Variants in OTULINL observed in about 807,000 individuals in gnomAD.
OTULINL encodes inactive ubiquitin thioesterase OTULINL.
Under a neutral mutation model 43.9 loss-of-function variants are expected in OTULINL, and 42 were observed. That is an observed-to-expected ratio of 0.96 (90% CI 0.75 to 1.24). OTULINL has a LOEUF of 1.24. Among genes scored for constraint, OTULINL ranks in the 50% most tolerant of loss-of-function variants. The pLI, the probability that OTULINL is intolerant of heterozygous loss-of-function variation, is 0.00. For missense variants in OTULINL, 411 were observed against 426.4 expected (o/e 0.96, Z 0.32); for synonymous variants, 172 against 153.6 (o/e 1.12, Z -0.88).
chr5:14,602,213 A>G lies in OTULINL; in HGVS notation c.379A>G (p.Ile127Val), dbSNP rs748332389. ...AYEELFWRHH[I>V]KCVRQVRRDN... ...TGAGGAGCTATTTTGGCGGCATCAC[A>G]TTAAATGTGTTCGACAAGTAAGGAG... The change falls in exon 5 of 8, where the codon ATT (isoleucine) becomes GTT (valine). Residue 127 changes from isoleucine (I) to valine (V), a missense_variant. Transcript: ENST00000274217. The G allele has an allele frequency of 6.2e-7, 1 of 1,612,528 alleles. No individual in the cohort carries two copies. The highest frequency in any genetic ancestry group is 8.5e-7 in the Non-Finnish European group (1 of 1,179,474).
At chr5:14,593,098 A>T in intron 1 of OTULINL, among the ~76,000 whole-genome samples, 1 of 152,170 alleles carries the variant, frequency 6.6e-6, no homozygotes, top group East Asian at 1.9e-4. Context: ...GGTTGCATTT[A>T]TAATTGTAGC....
At chr5:14,594,906 C>A (rs1225528611) in intron 1 of OTULINL, among the ~76,000 whole-genome samples, 1 of 151,996 alleles carries the variant, frequency 6.6e-6, no homozygotes, top group African/African-American at 2.4e-5. Flanking sequence ...TCACCCCTCC[C>A]TTGAGTTCCT....
chr5:14,599,214 C>T (rs886369696), intron 1 of OTULINL, among the ~76,000 whole-genome samples: 3 of 152,294 alleles, frequency 2.0e-5, no homozygotes, highest in Middle Eastern at 3.4e-3. Context: ...GTTGGCCAGG[C>T]GCCATGGCTC....
intron 7 of OTULINL, among the ~76,000 whole-genome samples, chr5:14,609,324 G>T (rs1202632857): frequency 1.3e-5 from 2 of 152,192 alleles, no homozygotes; most frequent in Non-Finnish European, 2.9e-5. Context: ...AAAAGTCCAG[G>T]TGGAAAATGA....
At chr5:14,601,906 GGTCCTAAAAGTATACAGA>G (rs1759395341) in intron 4 of OTULINL, among the ~76,000 whole-genome samples, 1 of 152,194 alleles carries the variant, frequency 6.6e-6, no homozygotes, top group African/African-American at 2.4e-5. Flanking sequence ...TACTTAGCAT[GGTCCTAAAAGTATACAGA>G]GTTTTTCACT....
In OTULINL at chr5:14,608,807, T is replaced by C. The variant is rs773511077; in HGVS notation, c.687T>C (p.Leu229=). ...AGAGAGGAAGTATGTGCAACACCCT[T>C]TTTTCAGATGCCATTCTGGAATATA... The part of the protein sequence containing the change: ...YHKRGSMCNT[L]FSDAILEYKL... The change falls in exon 7 of 8, where the codon CTT becomes CTC. Residue 229 remains leucine, a synonymous_variant. Transcript: ENST00000274217. 6.8e-6 allele frequency: 11 copies of C among 1,613,720 alleles called. No individual in the cohort carries two copies. The highest frequency in any genetic ancestry group is 9.3e-6 in the Non-Finnish European group (11 of 1,179,662).
rs1759564098 is a variant in OTULINL, at chr5:14,610,484, T to C, written c.*170T>C. On this transcript the variant is annotated 3_prime_UTR_variant, in exon 8 of 8. Transcript: ENST00000274217. ...ATGCATGGATGGTTTTTCTTTATTT[T>C]TCAGTGATTTCCTCTGAAGCAGCTG... The C allele has an allele frequency of 2.6e-5, 17 of 663,576 alleles. No homozygotes were observed. Among genetic ancestry groups the C allele is most frequent in the South Asian group, 1.3e-4 (6 of 47,116 alleles). 41.1% of individuals were successfully genotyped at this position (663,576 alleles called of 1,614,324 possible).
rs1292290357 is a variant in OTULINL at position 14,581,872 on chromosome 5, C to T, written c.-23C>T. 1.4e-6 allele frequency: 2 copies of T among 1,403,732 alleles called. No individual in the cohort carries two copies. Among genetic ancestry groups the T allele is most frequent in the Admixed American group, 2.8e-5 (1 of 35,134 alleles). 87.0% of individuals were successfully genotyped at this position (1,403,732 alleles called of 1,614,324 possible). A position where few individuals can be genotyped will look rare whatever the true frequency, so the allele number is the denominator to read the frequency against. On this transcript the variant is annotated 5_prime_UTR_variant, in exon 1 of 8. Transcript: ENST00000274217. The stretch of plus-strand genomic sequence containing the variant: ...CTGCAGACCACGGGCCGAGGCCCAG[C>T]GCCCGTCCGCAGCGCGGCCGGCATG...
At chr5:14,598,686 C>G (rs535975346) in intron 1 of OTULINL, among the ~76,000 whole-genome samples, 1 of 152,232 alleles carries the variant, frequency 6.6e-6, no homozygotes, top group East Asian at 1.9e-4. Context: ...GCTCCATGCT[C>G]CAGCCTGGGC....
rs369247940 is a variant in OTULINL at position 14,607,602 on chromosome 5, T to C, written c.627+144T>C. The C allele has an allele frequency of 3.2e-4, 319 of 989,620 alleles. 5 individuals are homozygous for C. In the South Asian group the frequency reaches 5.0e-3, roughly 16 times the overall value. 61.3% of individuals were successfully genotyped at this position (989,620 alleles called of 1,614,324 possible). On this transcript the variant is annotated intron_variant, in intron 6 of 7. Transcript: ENST00000274217. Reference sequence around the variant, plus strand: ...GAAATGCTTCTAGTAACTGATGATTTCCCTCCTTATTCTTCCTTCTCCTTC... The same window carrying C: ...GAAATGCTTCTAGTAACTGATGATTCCCCTCCTTATTCTTCCTTCTCCTTC...
intron 1 of OTULINL, among the ~76,000 whole-genome samples, chr5:14,587,603 G>A (rs1202152310): frequency 6.6e-6 from 1 of 152,224 alleles, no homozygotes; most frequent in East Asian, 1.9e-4. Context: ...CTGAAGCAGT[G>A]CAAGGCTTGG....
chr5:14,607,518 C>T (rs1249694313), intron 6 of OTULINL, 60 bp downstream of exon 6: 2 of 1,592,692 alleles, frequency 1.3e-6, no homozygotes, highest in Non-Finnish European at 1.7e-6. Flanking sequence ...CCAGATAGAG[C>T]CAGTTTTCTC....
intron 7 of OTULINL, 51 bp downstream of exon 7, chr5:14,609,068 T>C: frequency 6.4e-7 from 1 of 1,564,512 alleles, no homozygotes. Context: ...GCTGTGGCAC[T>C]ATTTGAACAC....
At chr5:14,605,298 G>A (rs1488849563) in intron 5 of OTULINL, among the ~76,000 whole-genome samples, 2 of 150,652 alleles carry the variant, frequency 1.3e-5, no homozygotes, top group Non-Finnish European at 2.9e-5. Flanking sequence ...TGGAGTGGCC[G>A]AGATGCAGAG....
At chr5:14,596,696 T>C (rs778819336) in intron 1 of OTULINL, among the ~76,000 whole-genome samples, 10 of 152,238 alleles carry the variant, frequency 6.6e-5, no homozygotes, top group Non-Finnish European at 1.2e-4. Flanking sequence ...TCTGTTGTTA[T>C]AACAGAATAC....
Position 14,581,797 on chromosome 5 carries a change from A to G in OTULINL, c.-98A>G. On this transcript the variant is annotated 5_prime_UTR_variant, in exon 1 of 8. Transcript: ENST00000274217. ...TCCCCCGCCCTCCCCAGCCCGCCTC[A>G]GGGAAGCGAGCCCGGGCGCCGGCGG... 1.0e-6 allele frequency: 1 copy of G among 992,728 alleles called. No individual in the cohort carries two copies. Among genetic ancestry groups the G allele is most frequent in the Non-Finnish European group, 1.3e-6 (1 of 761,208 alleles). 61.5% of individuals were successfully genotyped at this position (992,728 alleles called of 1,614,324 possible). A position where few individuals can be genotyped will look rare whatever the true frequency, so the allele number is the denominator to read the frequency against.
chr5:14,590,529 C>G (rs1224852146), intron 1 of OTULINL, among the ~76,000 whole-genome samples: 2 of 151,964 alleles, frequency 1.3e-5, no homozygotes, highest in African/African-American at 4.8e-5. Context: ...ATCTATAGGC[C>G]CATGTAAAGG....
intron 7 of OTULINL, among the ~76,000 whole-genome samples, chr5:14,609,721 T>C (rs920777655): frequency 1.3e-5 from 2 of 150,958 alleles, no homozygotes; most frequent in Non-Finnish European, 2.9e-5. Flanking sequence ...AGCTCCGCCT[T>C]CCGGGTTCAC....
In OTULINL at chr5:14,601,459, A is replaced by T; in HGVS notation, c.348+17A>T. 6.3e-7 allele frequency: 1 copy of T among 1,592,186 alleles called. No individual in the cohort carries two copies. Among genetic ancestry groups the T allele is most frequent in the South Asian group, 1.1e-5 (1 of 89,290 alleles). On this transcript the variant is annotated intron_variant, in intron 4 of 7. Coordinates refer to ENST00000274217, the MANE Select transcript of OTULINL (RefSeq NM_019018.3). ...ATGAGGAAGGTGTGTCTGTTTTTAGAGGGTATGGGAGAAATAGAGTTTGTC... is the reference window on the plus strand; with the variant it reads ...ATGAGGAAGGTGTGTCTGTTTTTAGTGGGTATGGGAGAAATAGAGTTTGTC...
Sources: gnomAD v4.1 joint callset for allele counts (sites outside exome capture counted in the v4.1 genomes callset) on GRCh38, gnomAD v4.1.1 for gene constraint, MANE v1.5 for transcripts, NCBI Gene and HGNC (gene_info 2026-07-23, HGNC 2026-07-21) for gene names.